The following DNAH11 variants were observed in gnomAD, a reference collection of about 807,000 sequenced individuals.
DNAH11 encodes dynein axonemal heavy chain 11, also known as axonemal beta dynein heavy chain 11.
DNAH11 carries 442 observed loss-of-function variants against 526.0 expected under a neutral mutation model. That is an observed-to-expected ratio of 0.84 (90% confidence interval 0.78 to 0.91). The LOEUF is 0.91. Among genes scored for constraint, DNAH11 ranks in the 40% least tolerant of loss-of-function variants. The pLI, the probability that DNAH11 is intolerant of heterozygous loss-of-function variation, is 0.00. For missense variants in DNAH11, 6,989 were observed against 5,448.7 expected (o/e 1.28, Z -8.90); for synonymous variants, 2,461 against 1,935.9 (o/e 1.27, Z -7.12).
At chr7:21,890,718 C>T (rs896927719) in intron 76 of DNAH11, among the ~76,000 whole-genome samples, 2 of 152,048 alleles carry the variant, frequency 1.3e-5, no homozygotes, top group African/African-American at 2.4e-5. Flanking sequence ...TTATTTTGGT[C>T]GCCCTGAGCC....
At chr7:21,708,215 C>G (rs1784342739) in intron 40 of DNAH11, among the ~76,000 whole-genome samples, 1 of 152,142 alleles carries the variant, frequency 6.6e-6, no homozygotes, top group African/African-American at 2.4e-5. Context: ...GGCATGTTGC[C>G]TGCCCTGAGA....
At chr7:21,697,490 A>G (rs1783904660) in intron 35 of DNAH11, among the ~76,000 whole-genome samples, 1 of 152,182 alleles carries the variant, frequency 6.6e-6, no homozygotes, top group Non-Finnish European at 1.5e-5. Context: ...AATAAGTTGG[A>G]TTAAAAACAA....
At chr7:21,568,927 C>T (rs965793366) in intron 6 of DNAH11, among the ~76,000 whole-genome samples, 1 of 152,174 alleles carries the variant, frequency 6.6e-6, no homozygotes, top group African/African-American at 2.4e-5. Flanking sequence ...TGAGGGATTC[C>T]TGGTGGTTCT....
At chr7:21,865,266 G>C (rs1003265908) in intron 70 of DNAH11, among the ~76,000 whole-genome samples, 2 of 152,024 alleles carry the variant, frequency 1.3e-5, no homozygotes, top group Admixed American at 1.3e-4. Flanking sequence ...TTTCTAAGAA[G>C]GAAACATTTC....
At chr7:21,789,957 C>T (rs1040063629) in intron 61 of DNAH11, among the ~76,000 whole-genome samples, 5 of 133,298 alleles carry the variant, frequency 3.8e-5, no homozygotes, top group African/African-American at 5.6e-5. Flanking sequence ...GGTGGATGTG[C>T]AGGCTTGTTA....
intron 35 of DNAH11, among the ~76,000 whole-genome samples, chr7:21,692,950 T>C (rs189873471): frequency 1.7e-4 from 26 of 152,356 alleles, no homozygotes; most frequent in East Asian, 7.7e-4. Context: ...TACATACTTA[T>C]TGTCTATTGC....
chr7:21,858,011 C>G (rs765860819), intron 68 of DNAH11, among the ~76,000 whole-genome samples: 1 of 152,050 alleles, frequency 6.6e-6, no homozygotes, highest in Non-Finnish European at 1.5e-5. Flanking sequence ...AGACAATATT[C>G]TCAATACATA....
chr7:21,786,672 A>G lies in DNAH11; in HGVS notation c.9646A>G (p.Thr3216Ala), dbSNP rs746491192. 2 of 1,613,608 alleles carry G rather than the reference A, an allele frequency of 1.2e-6. No homozygotes were observed. Among genetic ancestry groups the G allele is most frequent in the Non-Finnish European group, 1.7e-6 (2 of 1,179,674 alleles). ...CTTTCCCAACCCTCCCATCGCAGTT[A>G]CCAATGTTACTGCAGCCGTGATGGT... ...KAFPNPPIAV[T>A]NVTAAVMVLL... Residue 3216 changes from threonine to alanine, a missense_variant, in exon 59 of 82, where the codon ACC (threonine) becomes GCC (alanine). Transcript: ENST00000409508.
Position 21,735,854 on chromosome 7 carries a change from C to A in DNAH11, c.7645+10C>A. The A allele has an allele frequency of 6.3e-7, 1 of 1,580,104 alleles. No individual in the cohort carries two copies. Among genetic ancestry groups the A allele is most frequent in the Non-Finnish European group, 8.6e-7 (1 of 1,160,178 alleles). ...TCCACAGCTCTGCAAAGTAAGTGCA[C>A]CTGTTTATTTTCTAGAAACAAGGGA... On this transcript the variant is annotated intron_variant, in intron 46 of 81. Transcript: ENST00000409508.
At position 21,765,649 on chromosome 7, in the gene DNAH11, C is replaced by T. The variant is rs1185387068; in HGVS notation, c.9102+60C>T. 9.4e-6 allele frequency: 10 copies of T among 1,064,728 alleles called. No homozygotes were observed. In the East Asian group the frequency reaches 3.3e-4, roughly 35 times the overall value. The allele number at this position is 1,064,728 out of a possible 1,614,324, so 66.0% of individuals were successfully genotyped here. Reference sequence around the variant, plus strand: ...ACACACACACACACACACACACACACACACACACACTCTGAAAATCCTCAG... The same window carrying T: ...ACACACACACACACACACACACACATACACACACACTCTGAAAATCCTCAG... On this transcript the variant is annotated intron_variant, in intron 55 of 81. Transcript: ENST00000409508.
chr7:21,679,983 T>C (rs560156761), intron 30 of DNAH11, among the ~76,000 whole-genome samples: 9 of 152,338 alleles, frequency 5.9e-5, no homozygotes, highest in African/African-American at 1.9e-4. Context: ...ACTCGTCATT[T>C]AGCATTTTAA....
chr7:21,708,180 A>T (rs1053903788), intron 40 of DNAH11, among the ~76,000 whole-genome samples: 4 of 152,188 alleles, frequency 2.6e-5, no homozygotes, highest in African/African-American at 9.6e-5. Flanking sequence ...ACATTATTCC[A>T]GGTGCCAGGG....
chr7:21,853,105 T>A (rs1782704517), intron 67 of DNAH11, among the ~76,000 whole-genome samples: 1 of 152,216 alleles, frequency 6.6e-6, no homozygotes, highest in African/African-American at 2.4e-5. Context: ...AATGCACTAT[T>A]CACCCCAGGA....
chr7:21,832,966 TTGTGCCGCTTCTCATGCA>T (rs1781846677), intron 65 of DNAH11, among the ~76,000 whole-genome samples: 1 of 152,214 alleles, frequency 6.6e-6, no homozygotes, highest in African/African-American at 2.4e-5. Flanking sequence ...TGCTGGTGGT[TTGTGCCGCTTCTCATGCA>T]TATGTGAATA....
At chr7:21,732,739 C>G (rs2128488089) in intron 45 of DNAH11, among the ~76,000 whole-genome samples, 1 of 152,350 alleles carries the variant, frequency 6.6e-6, no homozygotes, top group East Asian at 1.9e-4. Context: ...TCTTTCTATA[C>G]TGCTCTTCTT....
chr7:21,716,148 C>T (rs76152722), intron 42 of DNAH11, among the ~76,000 whole-genome samples: 3,237 of 152,100 alleles, frequency 0.021, 81 homozygotes, highest in African/African-American at 0.06. Context: ...TTTCTGCTCC[C>T]ACAGAAACCT....
intron 54 of DNAH11, among the ~76,000 whole-genome samples, chr7:21,757,263 G>C (rs1028555351): frequency 1.3e-5 from 2 of 152,106 alleles, no homozygotes; most frequent in African/African-American, 4.8e-5. Flanking sequence ...AGTAACTATA[G>C]TGATCCTCTT....
At chr7:21,635,562 A>G (rs921119118) in intron 25 of DNAH11, among the ~76,000 whole-genome samples, 53 of 152,312 alleles carry the variant, frequency 3.5e-4, no homozygotes, top group African/African-American at 1.3e-3. Context: ...CCCAGTGCTG[A>G]ACCCCCAATA....
intron 76 of DNAH11, among the ~76,000 whole-genome samples, chr7:21,888,024 CA>C (rs1784191577): frequency 6.6e-6 from 1 of 152,172 alleles, no homozygotes. Flanking sequence ...TACAGGCCAA[CA>C]CTGAGAACAA....
Sources: allele counts gnomAD v4.1 joint callset (sites outside exome capture counted in the v4.1 genomes callset), GRCh38; gene constraint gnomAD v4.1.1; transcripts MANE v1.5; gene names NCBI Gene and HGNC (gene_info 2026-07-23, HGNC 2026-07-21).